ATP13A4: variants seen among roughly 807,000 people sequenced by gnomAD.
ATP13A4 encodes probable cation-transporting ATPase 13A4.
A neutral mutation model predicts 142.5 loss-of-function variants in ATP13A4; 114 were observed. The observed-to-expected ratio is 0.80, with a 90% CI of 0.69 to 0.93. The LOEUF (loss-of-function observed/expected upper bound fraction) is 0.93, where lower values mean the gene tolerates loss of function less well. Ranked by LOEUF, ATP13A4 falls within the 40% of genes least tolerant of loss-of-function variation. ATP13A4 has a pLI of 0.00. For synonymous variants in ATP13A4, 488 were observed against 514.8 expected (o/e 0.95, Z 0.70); for missense variants, 1,392 against 1,454.0 (o/e 0.96, Z 0.69).
chr3:193,545,519 C>G (rs1407314470), intron 1 of ATP13A4, among the ~76,000 whole-genome samples: 1 of 152,180 alleles, frequency 6.6e-6, no homozygotes, highest in African/African-American at 2.4e-5. Flanking sequence ...CTCTACCCAG[C>G]CTGTGGTTTC....
At chr3:193,465,954 C>T in intron 11 of ATP13A4, 71 bp downstream of exon 11, 1 of 1,589,466 alleles carries the variant, frequency 6.3e-7, no homozygotes, top group South Asian at 1.1e-5. Flanking sequence ...TAGGTTAAGG[C>T]CAACATGCAC....
chr3:193,408,382 A>G (rs1714607244), intron 28 of ATP13A4, among the ~76,000 whole-genome samples: 1 of 152,262 alleles, frequency 6.6e-6, no homozygotes. Flanking sequence ...AGCATGGTAT[A>G]CATATGACAT....
chr3:193,416,147 G>A (rs975041776), intron 25 of ATP13A4, among the ~76,000 whole-genome samples: 1 of 152,170 alleles, frequency 6.6e-6, no homozygotes, highest in East Asian at 1.9e-4. Context: ...AGGGACATAT[G>A]CGATCTCACA....
chr3:193,538,752 T>C lies in ATP13A4; in HGVS notation c.60+15988A>G, dbSNP rs566584751. ...GAAATGAGCAGGAATCAACATTTTC[T>C]GTAATGTCCCAGATAGAAAATGTTT... On this transcript the variant is annotated intron_variant, in intron 1 of 29. Coordinates refer to ENST00000342695, the MANE Select transcript of ATP13A4 (RefSeq NM_032279.4). Among the ~76,000 whole-genome samples, 13 of 152,220 alleles carry C rather than the reference T, an allele frequency of 8.5e-5. No homozygotes were observed. In the South Asian group the frequency reaches 2.7e-3, roughly 32 times the overall value.
intron 1 of ATP13A4, among the ~76,000 whole-genome samples, chr3:193,548,495 T>C (rs556619153): frequency 1.4e-4 from 21 of 152,362 alleles, no homozygotes; most frequent in Admixed American, 2.0e-4. Flanking sequence ...ACATTAGACT[T>C]GGCCAGTGGC....
At chr3:193,403,463 G>C (rs1192449261) in intron 29 of ATP13A4, among the ~76,000 whole-genome samples, 2 of 152,064 alleles carry the variant, frequency 1.3e-5, no homozygotes, top group African/African-American at 4.8e-5. Context: ...TATGTTTGTT[G>C]TAAGGCTTAT....
Position 193,462,749 on chromosome 3 carries a change from CCAAGGTACT to C in ATP13A4, c.1523+4_1523+12del, listed in dbSNP as rs1323804675. On this transcript the variant is annotated splice_donor_5th_base_variant and intron_variant, in intron 13 of 29. Transcript: ENST00000342695. Reference sequence around the variant, plus strand: ...ACTAGAATGCATTTAGTCCAAGAGTCCAAGGTACTCACCCATTCCTATCACAGGACACGA... The same window carrying C: ...ACTAGAATGCATTTAGTCCAAGAGTCCACCCATTCCTATCACAGGACACGA... 1.9e-6 allele frequency: 3 copies of C among 1,611,196 alleles called. No individual in the cohort carries two copies. Among genetic ancestry groups the C allele is most frequent in the Non-Finnish European group, 2.5e-6 (3 of 1,177,546 alleles).
chr3:193,442,410 T>C lies in ATP13A4; in HGVS notation c.2299A>G (p.Ile767Val). 9 of 1,614,002 alleles carry C rather than the reference T, an allele frequency of 5.6e-6. No individual in the cohort carries two copies. Among genetic ancestry groups the C allele is most frequent in the Non-Finnish European group, 7.6e-6 (9 of 1,179,872 alleles). The part of the protein sequence containing the change: ...SWTLVEEKKH[I>V]MYGNQDNYIN... ...AGGAGTACCTGATTCCCATACATAA[T>C]GTGTTTCTTCTCTTCTACTAACGTC... is the stretch of plus-strand genomic sequence containing the variant. The change falls in exon 19 of 30, where the codon ATT becomes GTT. Residue 767 changes from isoleucine to valine, a missense_variant. Coordinates refer to ENST00000342695, the MANE Select transcript of ATP13A4 (RefSeq NM_032279.4).
At chr3:193,531,319 G>GGAGGGGAGGAAGGGA (rs1389639393) in intron 1 of ATP13A4, among the ~76,000 whole-genome samples, 2 of 123,466 alleles carry the variant, frequency 1.6e-5, no homozygotes, top group Admixed American at 8.6e-5. Context: ...AGGAAGGAAG[G>GGAGGGGAGGAAGGGA]AAGGAAGGAA....
At chr3:193,461,869 T>A (rs1228625310) in intron 13 of ATP13A4, among the ~76,000 whole-genome samples, 1 of 152,174 alleles carries the variant, frequency 6.6e-6, no homozygotes, top group Non-Finnish European at 1.5e-5. Flanking sequence ...AGGAGAGGAC[T>A]GTGCAAATCT....
chr3:193,570,555 G>A (rs1263629488), intron 2 of ATP13A4, among the ~76,000 whole-genome samples: 3 of 152,110 alleles, frequency 2.0e-5, no homozygotes, highest in African/African-American at 7.2e-5. Context: ...GAAACTATCA[G>A]GGTGACAGTG....
chr3:193,465,923 C>T, intron 11 of ATP13A4, 102 bp downstream of exon 11: 1 of 1,477,502 alleles, frequency 6.8e-7, no homozygotes, highest in Non-Finnish European at 9.4e-7. Flanking sequence ...GTTTTGTTTC[C>T]CAGGTTTGTA....
At position 193,400,287 on chromosome 3, in the gene ATP13A4, T is replaced by C. The variant is rs1037888583; in HGVS notation, c.*2365A>G. ...TGAGTCTCTTTTCCCAAAGATTTTA[T>C]GGCTGCTTGACTAGTGGAGGACTAG... On this transcript the variant is annotated 3_prime_UTR_variant, in exon 30 of 30. Coordinates refer to ENST00000342695, the MANE Select transcript of ATP13A4 (RefSeq NM_032279.4). Among the ~76,000 whole-genome samples the C allele has an allele frequency of 6.6e-6, 1 of 152,270 alleles. No homozygotes were observed. Among genetic ancestry groups the C allele is most frequent in the Non-Finnish European group, 1.5e-5 (1 of 68,048 alleles).
chr3:193,479,771 A>T (rs1719184708), intron 8 of ATP13A4, among the ~76,000 whole-genome samples: 1 of 152,168 alleles, frequency 6.6e-6, no homozygotes, highest in Non-Finnish European at 1.5e-5. Context: ...AAATAATCCT[A>T]AAATTCATAT....
chr3:193,433,934 A>C lies in ATP13A4; in HGVS notation c.2770-17T>G. On this transcript the variant is annotated splice_polypyrimidine_tract_variant and intron_variant, in intron 24 of 29. Transcript: ENST00000342695. ...GTTTGTCTCCTGAAAATAAAAAGAAAGCAGATCAAAAAAGTTGTGACCTTC... is the reference window on the plus strand; with the variant it reads ...GTTTGTCTCCTGAAAATAAAAAGAACGCAGATCAAAAAAGTTGTGACCTTC... 6.2e-7 allele frequency: 1 copy of C among 1,605,950 alleles called. No homozygotes were observed. Among genetic ancestry groups the C allele is most frequent in the South Asian group, 1.1e-5 (1 of 90,934 alleles).
intron 18 of ATP13A4, 100 bp from the exon 19 acceptor site, chr3:193,442,656 G>T (rs1418408921): frequency 1.7e-6 from 2 of 1,196,912 alleles, no homozygotes; most frequent in Admixed American, 1.7e-5. Flanking sequence ...CCTTATTTCA[G>T]GTATGAAGAG....
intron 1 of ATP13A4, among the ~76,000 whole-genome samples, chr3:193,551,421 A>AG (rs1723556978): frequency 6.6e-6 from 1 of 150,382 alleles, no homozygotes; most frequent in South Asian, 2.1e-4. Flanking sequence ...AACAAAAAGA[A>AG]AAAAAAAAAG....
intron 1 of ATP13A4, among the ~76,000 whole-genome samples, chr3:193,533,303 T>C (rs1256404014): frequency 6.6e-6 from 1 of 152,042 alleles, no homozygotes; most frequent in East Asian, 1.9e-4. Flanking sequence ...TTTCTCTCAA[T>C]GAGTTCAACT....
chr3:193,448,358 A>G (rs1426863896), intron 17 of ATP13A4, 28 bp from the exon 18 acceptor site: 11 of 1,611,658 alleles, frequency 6.8e-6, no homozygotes, highest in Non-Finnish European at 9.3e-6. Flanking sequence ...GATGTATTGA[A>G]CAGAAATAAC....
Sources: gnomAD v4.1 joint callset for allele counts (sites outside exome capture counted in the v4.1 genomes callset) on GRCh38, gnomAD v4.1.1 for gene constraint, MANE v1.5 for transcripts, NCBI Gene and HGNC (gene_info 2026-07-23, HGNC 2026-07-21) for gene names.